The following CNTNAP5 variants were observed in gnomAD, a reference collection of about 807,000 sequenced individuals.
The protein encoded by CNTNAP5 is contactin-associated protein-like 5.
CNTNAP5 carries 72 observed loss-of-function variants against 150.2 expected under a neutral mutation model. The observed-to-expected ratio is 0.48, with a 90% CI of 0.40 to 0.58. CNTNAP5 has a LOEUF of 0.58. CNTNAP5 is among the 20% of genes least tolerant of loss of function. The pLI is 0.00. For missense variants in CNTNAP5, 1,636 were observed against 1,626.2 expected (o/e 1.01, Z -0.10); for synonymous variants, 672 against 619.8 (o/e 1.08, Z -1.25).
intron 13 of CNTNAP5, among the ~76,000 whole-genome samples, chr2:124,717,880 A>G (rs1346465906): frequency 6.6e-6 from 1 of 152,200 alleles, no homozygotes; most frequent in Non-Finnish European, 1.5e-5. Flanking sequence ...TAAAATGTTC[A>G]AAGGAGTCAA....
intron 8 of CNTNAP5, among the ~76,000 whole-genome samples, chr2:124,521,406 A>C (rs1694843209): frequency 6.6e-6 from 1 of 152,186 alleles, no homozygotes; most frequent in Non-Finnish European, 1.5e-5. Context: ...AAAGAAAACC[A>C]CCAACCAAGC....
At chr2:124,713,308 CTCTTTCTTTCCTTTCTTTCTTTCTTTCTT>C (rs1679865155) in intron 13 of CNTNAP5, among the ~76,000 whole-genome samples, 1 of 57,384 alleles carries the variant, frequency 1.7e-5, no homozygotes, top group African/African-American at 5.4e-5. Flanking sequence ...TTTCTTCTTT[CTCTTTCTTTCCTTTCTTTCTTTCTTTCTT>C]TCTTTCTTTC....
chr2:124,807,177 G>C (rs2104652073), intron 19 of CNTNAP5, among the ~76,000 whole-genome samples: 1 of 152,220 alleles, frequency 6.6e-6, no homozygotes, highest in African/African-American at 2.4e-5. Context: ...ATTACCTTTT[G>C]TCCAGCAAGG....
chr2:124,411,016 A>G (rs1244521991), intron 3 of CNTNAP5, among the ~76,000 whole-genome samples: 1 of 152,220 alleles, frequency 6.6e-6, no homozygotes, highest in Admixed American at 6.5e-5. Flanking sequence ...GAGAAGAATC[A>G]AATAGATGCA....
chr2:124,791,256 G>C (rs1448184172), intron 18 of CNTNAP5, among the ~76,000 whole-genome samples: 2 of 152,130 alleles, frequency 1.3e-5, no homozygotes, highest in Non-Finnish European at 2.9e-5. Flanking sequence ...ATTCATACAG[G>C]GGCCTTCTCC....
rs548782195 is a variant in CNTNAP5, at chr2:124,381,420, C to T, written c.382-36023C>T. Among the ~76,000 whole-genome samples the T allele has an allele frequency of 1.3e-4, 20 of 152,128 alleles. No homozygotes were observed. The South Asian group carries it at 4.2e-3, about 32-fold the overall frequency. On this transcript the variant is annotated intron_variant, in intron 3 of 23. Transcript: ENST00000682447. The stretch of plus-strand genomic sequence containing the variant: ...GTGGCTCAAGAAAGAAATGATAGGT[C>T]TTAGACAAGCATGCAACAGTAAAGA...
At chr2:124,191,442 G>T (rs186185021) in intron 1 of CNTNAP5, among the ~76,000 whole-genome samples, 46 of 152,242 alleles carry the variant, frequency 3.0e-4, no homozygotes, top group African/African-American at 1.1e-3. Flanking sequence ...TTCTTGCAAT[G>T]AAAGCCTTCC....
At chr2:124,838,689 C>G (rs1440329086) in intron 19 of CNTNAP5, among the ~76,000 whole-genome samples, 1 of 152,136 alleles carries the variant, frequency 6.6e-6, no homozygotes, top group Non-Finnish European at 1.5e-5. Flanking sequence ...TCACTTCTCT[C>G]CAAAATTCTG....
At chr2:124,423,095 A>G (rs1421186431) in intron 4 of CNTNAP5, among the ~76,000 whole-genome samples, 1 of 152,230 alleles carries the variant, frequency 6.6e-6, no homozygotes, top group Non-Finnish European at 1.5e-5. Context: ...TCAAACCAAC[A>G]GACATAGAAA....
chr2:124,208,800 T>C (rs1685930778), intron 1 of CNTNAP5, among the ~76,000 whole-genome samples: 1 of 152,170 alleles, frequency 6.6e-6, no homozygotes, highest in South Asian at 2.1e-4. Flanking sequence ...TTTCAATTTA[T>C]TCATGTTCTA....
chr2:124,270,371 A>C (rs1372470535), intron 3 of CNTNAP5, among the ~76,000 whole-genome samples: 1 of 152,174 alleles, frequency 6.6e-6, no homozygotes, highest in East Asian at 1.9e-4. Flanking sequence ...TCTCATAGGG[A>C]GCTTAGCAGT....
At chr2:124,751,678 C>G (rs1270632991) in intron 14 of CNTNAP5, among the ~76,000 whole-genome samples, 1 of 152,168 alleles carries the variant, frequency 6.6e-6, no homozygotes, top group Non-Finnish European at 1.5e-5. Context: ...CTCTGTGTGC[C>G]TCAGAGAAAC....
intron 13 of CNTNAP5, among the ~76,000 whole-genome samples, chr2:124,684,929 C>T (rs1679156875): frequency 6.6e-6 from 1 of 152,118 alleles, no homozygotes; most frequent in South Asian, 2.1e-4. Flanking sequence ...TGACATCAGG[C>T]CCCAAAGCCT....
intron 11 of CNTNAP5, among the ~76,000 whole-genome samples, chr2:124,570,463 G>T (rs950381818): frequency 6.6e-6 from 1 of 152,166 alleles, no homozygotes; most frequent in African/African-American, 2.4e-5. Flanking sequence ...AGGCAGGAAG[G>T]AGATGCAGGA....
intron 8 of CNTNAP5, among the ~76,000 whole-genome samples, chr2:124,512,100 A>T (rs1477598990): frequency 6.6e-6 from 1 of 151,930 alleles, no homozygotes; most frequent in Non-Finnish European, 1.5e-5. Context: ...CCAGGCAGAG[A>T]CACAGCAAGG....
chr2:124,723,885 C>T (rs915672939), intron 13 of CNTNAP5, among the ~76,000 whole-genome samples: 1 of 152,186 alleles, frequency 6.6e-6, no homozygotes, highest in Non-Finnish European at 1.5e-5. Context: ...GTGTCTCATG[C>T]CTGTAATCCC....
chr2:124,768,149 A>G (rs1034106540), intron 16 of CNTNAP5, among the ~76,000 whole-genome samples: 3 of 152,162 alleles, frequency 2.0e-5, no homozygotes, highest in Admixed American at 1.3e-4. Flanking sequence ...CAGGGAGACA[A>G]TCAATGAGGA....
At chr2:124,179,064 C>T (rs1432533538) in intron 1 of CNTNAP5, among the ~76,000 whole-genome samples, 1 of 151,720 alleles carries the variant, frequency 6.6e-6, no homozygotes, top group Non-Finnish European at 1.5e-5. Context: ...GTTTCACCCA[C>T]TCACTCCCAT....
chr2:124,440,227 C>A (rs1274123704), intron 5 of CNTNAP5, among the ~76,000 whole-genome samples: 3 of 152,082 alleles, frequency 2.0e-5, no homozygotes. Context: ...GATAGCCTGA[C>A]AAATTAAAGG....
Sources: gnomAD v4.1 joint callset for allele counts (sites outside exome capture counted in the v4.1 genomes callset) on GRCh38, gnomAD v4.1.1 for gene constraint, MANE v1.5 for transcripts, NCBI Gene and HGNC (gene_info 2026-07-23, HGNC 2026-07-21) for gene names.